The following MAP2 variants were observed in gnomAD, a reference collection of about 807,000 sequenced individuals.
The protein encoded by MAP2 is microtubule-associated protein 2.
MAP2 carries 14 observed loss-of-function variants against 137.6 expected under a neutral mutation model. That is an observed-to-expected ratio of 0.10 (90% CI 0.07 to 0.16). The LOEUF (loss-of-function observed/expected upper bound fraction) is 0.16. Among genes scored for constraint, MAP2 ranks in the 10% least tolerant of loss-of-function variants. The probability of loss-of-function intolerance (pLI) is 1.00; values close to 1 mark genes in which losing one functional copy is unlikely to be tolerated. For synonymous variants in MAP2, 786 were observed against 782.3 expected, an observed-to-expected ratio of 1.00 and a Z score of -0.08; for missense variants, 2,088 against 2,191.5, an observed-to-expected ratio of 0.95 and a Z score of 0.94.
At chr2:209,455,800 A>C (rs1477349652) in intron 1 of MAP2, among the ~76,000 whole-genome samples, 1 of 152,170 alleles carries the variant, frequency 6.6e-6, no homozygotes, top group Admixed American at 6.6e-5. Flanking sequence ...CTCATTCTTA[A>C]GGTATTAATT....
At chr2:209,660,897 G>T (rs1193920095) in intron 5 of MAP2, among the ~76,000 whole-genome samples, 2 of 147,918 alleles carry the variant, frequency 1.4e-5, no homozygotes, top group Admixed American at 6.7e-5. Flanking sequence ...ACCACGCCCG[G>T]CTAATTTTTT....
intron 1 of MAP2, among the ~76,000 whole-genome samples, chr2:209,505,911 G>C (rs189173025): frequency 6.6e-6 from 1 of 152,170 alleles, no homozygotes; most frequent in Non-Finnish European, 1.5e-5. Context: ...GGTTGAGGCT[G>C]TAGTGAGCCA....
intron 1 of MAP2, among the ~76,000 whole-genome samples, chr2:209,458,015 T>C (rs1220851913): frequency 6.6e-6 from 1 of 152,228 alleles, no homozygotes; most frequent in Non-Finnish European, 1.5e-5. Flanking sequence ...AAGGCTGCAC[T>C]ATGTTTCCAG....
intron 1 of MAP2, among the ~76,000 whole-genome samples, chr2:209,434,644 C>A (rs1195761262): frequency 6.6e-6 from 1 of 151,092 alleles, no homozygotes; most frequent in Non-Finnish European, 1.5e-5. Context: ...AACATAGACC[C>A]CAAATCTACA....
intron 13 of MAP2, chr2:209,721,874 T>C (rs1256949032): frequency 6.6e-6 from 1 of 152,204 alleles, no homozygotes; most frequent in Non-Finnish European, 1.5e-5. Context: ...AATTAGATAC[T>C]TATTGAGAAT....
intron 1 of MAP2, among the ~76,000 whole-genome samples, chr2:209,466,424 G>A (rs930178355): frequency 6.6e-6 from 1 of 152,116 alleles, no homozygotes; most frequent in Non-Finnish European, 1.5e-5. Flanking sequence ...TTCCTTATCT[G>A]TAAAAAGGAC....
intron 13 of MAP2, among the ~76,000 whole-genome samples, chr2:209,719,834 T>A (rs2153798341): frequency 6.6e-6 from 1 of 152,342 alleles, no homozygotes; most frequent in South Asian, 2.1e-4. Context: ...CAACTCTTCA[T>A]GCTATATGAC....
intron 5 of MAP2, among the ~76,000 whole-genome samples, chr2:209,676,739 A>C (rs1427845091): frequency 1.9e-5 from 1 of 52,038 alleles, no homozygotes; most frequent in Non-Finnish European, 4.8e-5. Context: ...ATATATATAT[A>C]TATATATATA....
At chr2:209,696,802 T>A in intron 9 of MAP2, 54 bp downstream of exon 9, 1 of 1,565,694 alleles carries the variant, frequency 6.4e-7, no homozygotes, top group Non-Finnish European at 8.6e-7. Context: ...TCATTATTAC[T>A]TTTTTGCAGA....
At chr2:209,612,569 C>T (rs2087338689) in intron 3 of MAP2, among the ~76,000 whole-genome samples, 1 of 152,134 alleles carries the variant, frequency 6.6e-6, no homozygotes, top group South Asian at 2.1e-4. Flanking sequence ...AGTTTGTCAG[C>T]TGCCATATAA....
chr2:209,599,558 A>G (rs181235954), intron 3 of MAP2, among the ~76,000 whole-genome samples: 1 of 152,286 alleles, frequency 6.6e-6, no homozygotes, highest in South Asian at 2.1e-4. Flanking sequence ...CTAAATTACT[A>G]TTGGGAACAC....
At chr2:209,683,833 A>C (rs535403279) in intron 7 of MAP2, among the ~76,000 whole-genome samples, 34 of 152,350 alleles carry the variant, frequency 2.2e-4, no homozygotes, top group African/African-American at 7.7e-4. Context: ...AGATTAATTC[A>C]GCGATTTTGA....
chr2:209,450,778 A>G (rs1441657841), intron 1 of MAP2, among the ~76,000 whole-genome samples: 1 of 152,148 alleles, frequency 6.6e-6, no homozygotes, highest in Non-Finnish European at 1.5e-5. Context: ...TTTTTGATTC[A>G]TTACATATAT....
Position 209,502,292 on chromosome 2 carries a change from C to T in MAP2, c.-221-5300C>T, listed in dbSNP as rs1394705210. Among the ~76,000 whole-genome samples, 10 of 152,142 alleles carry T rather than the reference C, an allele frequency of 6.6e-5. No individual in the cohort carries two copies. The East Asian group carries it at 1.9e-3, about 29-fold the overall frequency. ...TCCAGATAACCACCATTCTACTCCGCTTCTATGAGTTCAGCTTTTTAAGAT... is the reference window on the plus strand; with the variant it reads ...TCCAGATAACCACCATTCTACTCCGTTTCTATGAGTTCAGCTTTTTAAGAT... On this transcript the variant is annotated intron_variant, in intron 1 of 15. Transcript: ENST00000682079.
chr2:209,618,139 G>C (rs949012400), intron 3 of MAP2, among the ~76,000 whole-genome samples: 1 of 152,044 alleles, frequency 6.6e-6, no homozygotes, highest in Admixed American at 6.6e-5. Flanking sequence ...GGGAATCGAA[G>C]AGTTCATGGA....
In MAP2 at chr2:209,696,246, TTGCACTTTC is replaced by T; in HGVS notation, c.4079_4087del (p.Ala1360_Ser1362del). Reference sequence around the variant, plus strand: ...CCAGCTTCCCCTGAGAGAGAAGAGGTTGCACTTTCTGAATATAAGACAGAAACCTATGAC... The same window carrying T: ...CCAGCTTCCCCTGAGAGAGAAGAGGTTGAATATAAGACAGAAACCTATGAC... On this transcript the variant is annotated inframe_deletion, in exon 8 of 16. Transcript: ENST00000682079. 1 of 1,613,058 alleles carries T rather than the reference TTGCACTTTC, an allele frequency of 6.2e-7. No individual in the cohort carries two copies. The highest frequency in any genetic ancestry group is 1.3e-5 in the African/African-American group (1 of 74,860).
intron 9 of MAP2, 76 bp from the exon 10 acceptor site, chr2:209,696,840 TA>T: frequency 6.5e-7 from 1 of 1,543,394 alleles, no homozygotes; most frequent in South Asian, 1.2e-5. Context: ...ACTAATTATT[TA>T]TAAAATTTCG....
intron 1 of MAP2, among the ~76,000 whole-genome samples, chr2:209,460,198 G>A (rs562539367): frequency 2.0e-5 from 3 of 152,264 alleles, no homozygotes; most frequent in African/African-American, 7.2e-5. Context: ...AATAAATTCT[G>A]GAATTATCGT....
At chr2:209,503,526 G>A (rs1053058863) in intron 1 of MAP2, among the ~76,000 whole-genome samples, 2 of 151,898 alleles carry the variant, frequency 1.3e-5, no homozygotes, top group South Asian at 2.1e-4. Flanking sequence ...TCTTCTAGGA[G>A]TTTTATGGTT....
Sources: gnomAD v4.1 joint callset for allele counts (sites outside exome capture counted in the v4.1 genomes callset) on GRCh38, gnomAD v4.1.1 for gene constraint, MANE v1.5 for transcripts, NCBI Gene and HGNC (gene_info 2026-07-23, HGNC 2026-07-21) for gene names.